Variants in ERCC5 observed in about 807,000 individuals in gnomAD.
ERCC5 encodes ERCC excision repair 5, endonuclease, also known as DNA excision repair protein ERCC-5.
A neutral mutation model predicts 105.6 loss-of-function variants in ERCC5; 68 were observed. The ratio of observed to expected loss-of-function variants is 0.64; its 90% CI spans 0.53 to 0.79. The LOEUF (loss-of-function observed/expected upper bound fraction) is 0.79, where lower values mean the gene tolerates loss of function less well. Ranked by LOEUF, ERCC5 falls within the 30% of genes least tolerant of loss-of-function variation. The probability of loss-of-function intolerance (pLI) is 0.00; values close to 1 mark genes in which losing one functional copy is unlikely to be tolerated. For synonymous variants in ERCC5, 546 were observed against 526.2 expected, an observed-to-expected ratio of 1.04 and a Z score of -0.51; for missense variants, 1,373 against 1,426.7, an observed-to-expected ratio of 0.96 and a Z score of 0.61.
intron 11 of ERCC5, among the ~76,000 whole-genome samples, 173 bp downstream of exon 11, chr13:102,867,018 G>A (rs954776769): frequency 6.6e-5 from 10 of 152,088 alleles, no homozygotes; most frequent in African/African-American, 2.2e-4. Flanking sequence ...TTAAACATTT[G>A]AATTAAGGAA....
At chr13:102,856,028 C>G (rs746630910) in intron 4 of ERCC5, 24 bp from the exon 5 acceptor site, 1 of 1,611,802 alleles carries the variant, frequency 6.2e-7, no homozygotes, top group African/African-American at 1.3e-5. Context: ...TCATAGATAT[C>G]GTAAAAGTAT....
chr13:102,873,969 T>C (rs1883115407), intron 14 of ERCC5, among the ~76,000 whole-genome samples: 1 of 152,186 alleles, frequency 6.6e-6, no homozygotes, highest in African/African-American at 2.4e-5. Context: ...TGTGATAATA[T>C]ATTTAAATTA....
intron 4 of ERCC5, among the ~76,000 whole-genome samples, chr13:102,855,144 T>C (rs139096014): frequency 1.3e-5 from 2 of 152,350 alleles, no homozygotes; most frequent in East Asian, 1.9e-4. Context: ...TTTGTAATAG[T>C]TCCTCCCACC....
chr13:102,868,125 A>G lies in ERCC5; in HGVS notation c.2546A>G (p.Asn849Ser), dbSNP rs1450367245. Residue 849 changes from asparagine to serine, a missense_variant, in exon 12 of 15, where the codon AAT becomes AGT. Physicochemically the swap from Asn to Ser is conservative, Grantham distance 46. Around this residue, in one of 3 missense-constraint regions of ERCC5, gnomAD observed 1,004 missense variants for 1,059.7 expected, o/e 0.95. Transcript: ENST00000652225. ...TGTTACTCTTTAGGATTGGACCGGA[A>G]TAAGTTAATAAATTTGGCTTATTTG... ...DFHNQLGLDR[N>S]KLINLAYLLG... 2.5e-6 allele frequency: 4 copies of G among 1,614,110 alleles called. No homozygotes were observed. The highest frequency in any genetic ancestry group is 1.7e-5 in the Admixed American group (1 of 60,014).
intron 12 of ERCC5, among the ~76,000 whole-genome samples, chr13:102,871,142 T>C (rs150763447): frequency 7.0e-4 from 106 of 152,206 alleles, no homozygotes; most frequent in Non-Finnish European, 1.1e-3. Flanking sequence ...GCTGATGAGG[T>C]GGCTTCGGCC....
chr13:102,863,220 TAGAA>T (rs1882713114), intron 8 of ERCC5, 117 bp downstream of exon 8: 2 of 1,188,896 alleles, frequency 1.7e-6, no homozygotes, highest in South Asian at 1.4e-5. Context: ...ACGAGAGACG[TAGAA>T]AGAAAGATGA....
intron 11 of ERCC5, 151 bp from the exon 12 acceptor site, chr13:102,867,962 G>A (rs1022241281): frequency 7.3e-6 from 6 of 826,304 alleles, no homozygotes; most frequent in African/African-American, 1.7e-5. Flanking sequence ...GAATGCCATT[G>A]AATAAAATAA....
At chr13:102,858,958 A>G (rs1246414734) in intron 6 of ERCC5, 2 of 455,910 alleles carry the variant, frequency 4.4e-6, no homozygotes, top group African/African-American at 4.0e-5. Context: ...GGCTCTCCAC[A>G]TTCCCTTGCC....
chr13:102,849,480 G>T (rs1450328651), intron 1 of ERCC5: 2 of 515,938 alleles, frequency 3.9e-6, no homozygotes, highest in East Asian at 1.1e-4. Context: ...CTGGCCCATG[G>T]TATTGCTAAA....
In ERCC5 at chr13:102,862,404, A is replaced by G. The variant is rs751207544; in HGVS notation, c.1255A>G (p.Met419Val). The G allele has an allele frequency of 1.2e-6, 2 of 1,606,158 alleles. No homozygotes were observed. The highest frequency in any genetic ancestry group is 2.8e-5 in the African/African-American group (2 of 72,182). The change falls in exon 8 of 15, where the codon ATG becomes GTG. Residue 419 changes from methionine (M) to valine (V), a missense_variant. By Grantham distance (21) the Met-to-Val change is conservative. Around this residue, in one of 3 missense-constraint regions of ERCC5, gnomAD observed 1,004 missense variants for 1,059.7 expected, o/e 0.95. Transcript: ENST00000652225. ...GACGGGAGGGCCAGGAGCAGAAGAAATGCGTATAAACAGCTCCACCGAGAA... is the reference window on the plus strand; with the variant it reads ...GACGGGAGGGCCAGGAGCAGAAGAAGTGCGTATAAACAGCTCCACCGAGAA... ...VQTGGPGAEE[M>V]RINSSTENSD...
intron 2 of ERCC5, among the ~76,000 whole-genome samples, chr13:102,853,406 G>A (rs1044943076): frequency 1.2e-4 from 18 of 152,170 alleles, no homozygotes. Context: ...ATTAGAAATT[G>A]TTTTTGGTGT....
In ERCC5 at chr13:102,865,924, C is replaced by T. The variant is rs1446728238; in HGVS notation, c.2199+13C>T. ...AGATATTAATTTGGTAATACCGTAA[C>T]ATTGTGTTTCGACTTCTTGCTGAGG... On this transcript the variant is annotated intron_variant, in intron 9 of 14. Coordinates refer to ENST00000652225, the MANE Select transcript of ERCC5 (RefSeq NM_000123.4). The surrounding 1 kb of genome is among the most constrained non-coding windows in gnomAD (Gnocchi z 4.0). The T allele has an allele frequency of 1.2e-6, 2 of 1,614,066 alleles. No homozygotes were observed. Among genetic ancestry groups the T allele is most frequent in the Non-Finnish European group, 8.5e-7 (1 of 1,180,024 alleles).
At chr13:102,858,126 C>T in intron 5 of ERCC5, 149 bp from the exon 6 acceptor site, 5 of 1,116,434 alleles carry the variant, frequency 4.5e-6, no homozygotes, top group Non-Finnish European at 6.4e-6. Context: ...ACTTTGTTGC[C>T]TGTCACAGAT....
chr13:102,862,819 A>G lies in ERCC5; in HGVS notation c.1670A>G (p.Asp557Gly), dbSNP rs747830727. Reference protein sequence around the residue: ...NELCPYESKFDSSLLSSDDET... With the variant: ...NELCPYESKFGSSLLSSDDET... ...CTTTGCCCATATGAGAGTAAATTCG[A>G]TTCTTCTCTTCTTTCAAGTGATGAT... Residue 557 changes from aspartate to glycine, a missense_variant, in exon 8 of 15, where the codon GAT becomes GGT. By Grantham distance (94) the Asp-to-Gly change is moderately conservative. Transcript: ENST00000652225. 1.9e-6 allele frequency: 3 copies of G among 1,614,212 alleles called. No individual in the cohort carries two copies. The highest frequency in any genetic ancestry group is 1.1e-5 in the South Asian group (1 of 91,086).
chr13:102,863,183 C>T, intron 8 of ERCC5, 80 bp downstream of exon 8: 1 of 1,481,386 alleles, frequency 6.8e-7, no homozygotes, highest in Non-Finnish European at 9.1e-7. Context: ...TTAGTGTAGT[C>T]CCGTTTTAAC....
At chr13:102,859,459 G>A (rs941663691) in intron 6 of ERCC5, among the ~76,000 whole-genome samples, 1 of 152,196 alleles carries the variant, frequency 6.6e-6, no homozygotes, top group Admixed American at 6.5e-5. Flanking sequence ...GAAGTAAATT[G>A]ATTTTTATTT....
intron 12 of ERCC5, among the ~76,000 whole-genome samples, chr13:102,871,588 A>G (rs1883035228): frequency 6.9e-6 from 1 of 144,758 alleles, no homozygotes; most frequent in African/African-American, 2.6e-5. Context: ...CTGTTTTTGT[A>G]TATATTTATT....
chr13:102,850,365 C>T (rs536429292), intron 1 of ERCC5, among the ~76,000 whole-genome samples: 1 of 152,168 alleles, frequency 6.6e-6, no homozygotes, highest in East Asian at 1.9e-4. Flanking sequence ...GAGGAAGCAG[C>T]ATGTGAGAAG....
chr13:102,854,614 G>A (rs1882338380), intron 4 of ERCC5, among the ~76,000 whole-genome samples: 1 of 152,194 alleles, frequency 6.6e-6, no homozygotes, highest in Non-Finnish European at 1.5e-5. Context: ...TGCCAGGGCT[G>A]TGGATTCTAA....
Sources: allele counts gnomAD v4.1 joint callset (sites outside exome capture counted in the v4.1 genomes callset), GRCh38; gene constraint gnomAD v4.1.1; regional missense constraint gnomAD v4.1.1; non-coding constraint Gnocchi (gnomAD v3.1); transcripts MANE v1.5; gene names NCBI Gene and HGNC (gene_info 2026-07-23, HGNC 2026-07-21).